The following NRXN1 variants were observed in gnomAD, a reference collection of about 807,000 sequenced individuals.
NRXN1 encodes the protein neurexin 1.
NRXN1 carries 39 observed loss-of-function variants against 150.9 expected under a neutral mutation model. The observed-to-expected ratio is 0.26, with a 90% CI of 0.20 to 0.34. The LOEUF (loss-of-function observed/expected upper bound fraction) is 0.34. Ranked by LOEUF, NRXN1 falls within the 10% of genes least tolerant of loss-of-function variation. The pLI, the probability that NRXN1 is intolerant of heterozygous loss-of-function variation, is 1.00. For synonymous variants in NRXN1, 924 were observed against 757.0 expected (o/e 1.22, Z -3.62); for missense variants, 1,815 against 1,949.9 (o/e 0.93, Z 1.30).
chr2:50,252,258 C>CTTTT (rs143522284), intron 17 of NRXN1, among the ~76,000 whole-genome samples: 161 of 69,728 alleles, frequency 2.3e-3, no homozygotes, highest in Non-Finnish European at 2.9e-3. Flanking sequence ...TTTTTCTTTT[C>CTTTT]TTTTTTTTTT....
chr2:50,447,293 G>C (rs1370723176), intron 17 of NRXN1, among the ~76,000 whole-genome samples: 1 of 151,644 alleles, frequency 6.6e-6, no homozygotes, highest in Non-Finnish European at 1.5e-5. Context: ...GGCCAACATG[G>C]TGAAACCCCA....
chr2:50,141,183 G>A (rs192717632), intron 18 of NRXN1, among the ~76,000 whole-genome samples: 41 of 152,114 alleles, frequency 2.7e-4, no homozygotes, highest in Non-Finnish European at 5.4e-4. Flanking sequence ...CATGCGATAA[G>A]AACATTATAG....
At chr2:50,597,708 G>A (rs920444427) in intron 8 of NRXN1, among the ~76,000 whole-genome samples, 1 of 152,090 alleles carries the variant, frequency 6.6e-6, no homozygotes, top group East Asian at 1.9e-4. Context: ...AGGTTTTCTT[G>A]TTTGCTGCTC....
chr2:50,035,746 A>G (rs1689932555), intron 21 of NRXN1, among the ~76,000 whole-genome samples: 2 of 152,152 alleles, frequency 1.3e-5, no homozygotes, highest in South Asian at 4.1e-4. Context: ...TAATCAAGAC[A>G]GAAATATGCA....
intron 12 of NRXN1, among the ~76,000 whole-genome samples, chr2:50,515,704 T>A (rs967082017): frequency 6.6e-6 from 1 of 151,682 alleles, no homozygotes; most frequent in Non-Finnish European, 1.5e-5. Flanking sequence ...CTTTTCCAGG[T>A]ACTAACAAGT....
chr2:50,343,822 C>T (rs74685818), intron 17 of NRXN1, among the ~76,000 whole-genome samples: 5,115 of 152,254 alleles, frequency 0.034, 219 homozygotes, highest in East Asian at 0.11. Context: ...TTATTTTACA[C>T]ATTCAAGCAT....
chr2:50,269,303 A>T (rs2069276401), intron 17 of NRXN1, among the ~76,000 whole-genome samples: 1 of 151,886 alleles, frequency 6.6e-6, no homozygotes, highest in African/African-American at 2.4e-5. Flanking sequence ...AATACTGTAT[A>T]CTCTTCCCTT....
At chr2:50,527,723 C>A (rs1194239124) in intron 12 of NRXN1, among the ~76,000 whole-genome samples, 1 of 152,028 alleles carries the variant, frequency 6.6e-6, no homozygotes, top group African/African-American at 2.4e-5. Context: ...GAAAACATGG[C>A]CAATGCTGTG....
chr2:50,148,765 T>C (rs767347844), intron 18 of NRXN1, among the ~76,000 whole-genome samples: 25 of 151,692 alleles, frequency 1.6e-4, no homozygotes, highest in Non-Finnish European at 1.5e-5. Context: ...AGCAATGTGA[T>C]GTCAATCGGG....
chr2:50,676,714 T>C (rs756529579), intron 5 of NRXN1, among the ~76,000 whole-genome samples: 1 of 152,144 alleles, frequency 6.6e-6, no homozygotes, highest in Non-Finnish European at 1.5e-5. Context: ...AGAATATATA[T>C]AAGCACTAAA....
chr2:50,131,651 T>G (rs770651253), intron 18 of NRXN1, among the ~76,000 whole-genome samples: 15 of 152,218 alleles, frequency 9.9e-5, no homozygotes, highest in Non-Finnish European at 2.2e-4. Context: ...CAAAGCACTT[T>G]ATTCACATTA....
chr2:50,979,839 A>G (rs1696504190), intron 2 of NRXN1, among the ~76,000 whole-genome samples: 1 of 152,064 alleles, frequency 6.6e-6, no homozygotes, highest in African/African-American at 2.4e-5. Flanking sequence ...TTTAATATCT[A>G]TTTTCCTGAA....
At chr2:51,006,961 T>C (rs1048964018) in intron 2 of NRXN1, among the ~76,000 whole-genome samples, 5 of 152,004 alleles carry the variant, frequency 3.3e-5, no homozygotes, top group African/African-American at 1.2e-4. Context: ...TCTAAATGTC[T>C]ATATTCACCT....
chr2:50,665,078 C>T (rs1174558248), intron 5 of NRXN1, among the ~76,000 whole-genome samples: 1 of 151,892 alleles, frequency 6.6e-6, no homozygotes, highest in East Asian at 1.9e-4. Context: ...TCCCAGTATA[C>T]TACTTTTTCC....
intron 5 of NRXN1, among the ~76,000 whole-genome samples, chr2:50,895,175 A>T (rs1404614673): frequency 1.3e-5 from 2 of 152,196 alleles, no homozygotes. Flanking sequence ...CAAACGCTGT[A>T]AGAGTAATTT....
intron 13 of NRXN1, among the ~76,000 whole-genome samples, chr2:50,499,391 C>G (rs6734480): frequency 0.22 from 32,767 of 151,850 alleles, 5,501 homozygotes; most frequent in African/African-American, 0.46. Flanking sequence ...ATTGTTTCGT[C>G]TCTCTCTACC....
chr2:50,903,633 G>A (rs1683257738), intron 5 of NRXN1, among the ~76,000 whole-genome samples: 1 of 152,006 alleles, frequency 6.6e-6, no homozygotes, highest in African/African-American at 2.4e-5. Flanking sequence ...GGATAAAATG[G>A]GGCTTACTTG....
At chr2:50,612,753 G>A (rs1664198818) in intron 8 of NRXN1, among the ~76,000 whole-genome samples, 3 of 152,134 alleles carry the variant, frequency 2.0e-5, no homozygotes, top group Admixed American at 2.0e-4. Context: ...TCTACTAACA[G>A]GACTATCAAC....
intron 17 of NRXN1, among the ~76,000 whole-genome samples, chr2:50,381,631 A>T (rs557165880): frequency 6.6e-6 from 1 of 151,798 alleles, no homozygotes; most frequent in South Asian, 2.1e-4. Flanking sequence ...CCAAGAGAGT[A>T]ATGCACATCA....
Sources: allele counts gnomAD v4.1 joint callset (sites outside exome capture counted in the v4.1 genomes callset), GRCh38; gene constraint gnomAD v4.1.1; transcripts MANE v1.5; gene names NCBI Gene and HGNC (gene_info 2026-07-23, HGNC 2026-07-21).